CORIN: variants seen among roughly 807,000 people sequenced by gnomAD.
CORIN encodes the protein atrial natriuretic peptide-converting enzyme.
In CORIN, 117 loss-of-function variants were observed where a neutral mutation model predicts 125.3. The observed-to-expected ratio is 0.93, with a 90% CI of 0.80 to 1.09. The LOEUF is 1.09. CORIN is among the 50% of genes least tolerant of loss of function. The probability of loss-of-function intolerance (pLI) is 0.00; values close to 1 mark genes in which losing one functional copy is unlikely to be tolerated. For missense variants in CORIN, 1,253 were observed against 1,306.7 expected (o/e 0.96, Z 0.63); for synonymous variants, 450 against 466.4 (o/e 0.96, Z 0.45).
intron 4 of CORIN, among the ~76,000 whole-genome samples, chr4:47,758,008 G>A (rs1404615482): frequency 6.6e-6 from 1 of 151,218 alleles, no homozygotes; most frequent in Non-Finnish European, 1.5e-5. Flanking sequence ...CCACCTCCCG[G>A]ATTCATGCCA....
intron 2 of CORIN, among the ~76,000 whole-genome samples, chr4:47,804,731 T>A (rs565912251): frequency 1.3e-3 from 18 of 13,442 alleles, no homozygotes; most frequent in South Asian, 6.1e-3. Flanking sequence ...TGGTGGGGGG[T>A]GGGGAGGGGG....
chr4:47,786,759 A>G lies in CORIN; in HGVS notation c.375T>C (p.Ala125=). 6.2e-7 allele frequency: 1 copy of G among 1,614,162 alleles called. No individual in the cohort carries two copies. The highest frequency in any genetic ancestry group is 8.5e-7 in the Non-Finnish European group (1 of 1,180,002). The part of the protein sequence containing the change: ...DQHVPAWTTD[A]SLPGDQSHRN... ...TGTGACTTTGGTCCCCTGGGAGAGA[A>G]GCATCCGTAGTCCAGGCTGGAACGT... Residue 125 remains alanine (A), a synonymous_variant, in exon 3 of 22, where the codon GCT becomes GCC. Transcript: ENST00000273857.
At chr4:47,605,633 G>T (rs760234224) in intron 19 of CORIN, among the ~76,000 whole-genome samples, 1 of 152,104 alleles carries the variant, frequency 6.6e-6, no homozygotes, top group South Asian at 2.1e-4. Context: ...ACTAAAGTAG[G>T]TTGATTTGAC....
chr4:47,724,960 G>A (rs2109803976), intron 5 of CORIN, among the ~76,000 whole-genome samples: 1 of 152,238 alleles, frequency 6.6e-6, no homozygotes, highest in Admixed American at 6.5e-5. Context: ...CCACAGAACT[G>A]GAACCCTAGG....
chr4:47,681,688 C>G (rs1302975603), intron 7 of CORIN: 3 of 152,118 alleles, frequency 2.0e-5, no homozygotes, highest in Non-Finnish European at 4.4e-5. Context: ...GGATATAACC[C>G]ACATCTAAAT....
chr4:47,742,658 T>C (rs1033440062), intron 5 of CORIN, among the ~76,000 whole-genome samples: 9 of 152,152 alleles, frequency 5.9e-5, no homozygotes, highest in Admixed American at 1.3e-4. Flanking sequence ...GACTGACTGT[T>C]GTAAAGAAAT....
chr4:47,715,928 T>C (rs988688110), intron 5 of CORIN, among the ~76,000 whole-genome samples: 7 of 152,140 alleles, frequency 4.6e-5, no homozygotes, highest in African/African-American at 1.4e-4. Flanking sequence ...TAGAGAGGCT[T>C]TGAGAGAGTC....
chr4:47,730,464 C>T (rs559133819), intron 5 of CORIN, among the ~76,000 whole-genome samples: 2 of 135,770 alleles, frequency 1.5e-5, no homozygotes, highest in South Asian at 4.7e-4. Flanking sequence ...CAGAGCGAGA[C>T]TCCATCTCAA....
intron 13 of CORIN, among the ~76,000 whole-genome samples, chr4:47,652,457 GT>G (rs1234053190): frequency 2.0e-5 from 3 of 152,210 alleles, no homozygotes; most frequent in Non-Finnish European, 4.4e-5. Flanking sequence ...TGTCATGAAA[GT>G]GTCAATTCTT....
chr4:47,727,225 T>C (rs1056430552), intron 5 of CORIN, among the ~76,000 whole-genome samples: 5 of 152,192 alleles, frequency 3.3e-5, no homozygotes, highest in Admixed American at 2.0e-4. Context: ...TCTCAAATAA[T>C]TGAATGCCAT....
chr4:47,819,010 GAC>G (rs896056338), intron 1 of CORIN, among the ~76,000 whole-genome samples: 1 of 152,078 alleles, frequency 6.6e-6, no homozygotes, highest in African/African-American at 2.4e-5. Context: ...GTTTCAGCCT[GAC>G]ACAGTTATTA....
chr4:47,699,832 G>C (rs1008704423), intron 5 of CORIN, among the ~76,000 whole-genome samples: 1 of 152,210 alleles, frequency 6.6e-6, no homozygotes, highest in African/African-American at 2.4e-5. Context: ...TTTGCTCTTA[G>C]TAGGACAACA....
chr4:47,666,672 A>G (rs73238624), intron 10 of CORIN, among the ~76,000 whole-genome samples: 2,408 of 152,246 alleles, frequency 0.016, 30 homozygotes, highest in Non-Finnish European at 0.024. Context: ...AAGTCCTTAT[A>G]AGAAGGAGAA....
chr4:47,771,280 G>C (rs1000786789), intron 3 of CORIN, among the ~76,000 whole-genome samples: 2 of 152,060 alleles, frequency 1.3e-5, no homozygotes, highest in African/African-American at 4.8e-5. Flanking sequence ...CTCTATTCTA[G>C]ATAATTCACC....
chr4:47,594,824 G>A lies in CORIN; in HGVS notation c.*897C>T, dbSNP rs1046587631. 2 of 152,116 alleles carry A rather than the reference G, an allele frequency of 1.3e-5. No individual in the cohort carries two copies. The highest frequency in any genetic ancestry group is 4.8e-5 in the African/African-American group (2 of 41,434). The allele number at this position is 152,116 out of a possible 1,614,324, so 9.4% of individuals were successfully genotyped here. On this transcript the variant is annotated 3_prime_UTR_variant, in exon 22 of 22. Coordinates refer to ENST00000273857, the MANE Select transcript of CORIN (RefSeq NM_006587.4). ...AATATTGCCCATAAATATAGATGTA[G>A]TTGTTGCAGTCTCAATCAGCCAACT...
chr4:47,811,898 G>T (rs994481749), intron 1 of CORIN, among the ~76,000 whole-genome samples: 7 of 152,128 alleles, frequency 4.6e-5, no homozygotes, highest in Admixed American at 4.6e-4. Flanking sequence ...GGTACTCAAA[G>T]CCTAAAATCT....
At chr4:47,742,278 A>G (rs926317947) in intron 5 of CORIN, among the ~76,000 whole-genome samples, 3 of 151,978 alleles carry the variant, frequency 2.0e-5, no homozygotes, top group Admixed American at 2.0e-4. Context: ...AAGGTGAAAT[A>G]TTGAAAACCT....
chr4:47,609,343 G>A (rs1176995132), intron 19 of CORIN, among the ~76,000 whole-genome samples: 2 of 152,058 alleles, frequency 1.3e-5, no homozygotes, highest in East Asian at 1.9e-4. Flanking sequence ...AGGTTCAAGC[G>A]ATTCTCCTGC....
chr4:47,631,384 T>C (rs1021951144), intron 16 of CORIN, among the ~76,000 whole-genome samples: 7 of 152,194 alleles, frequency 4.6e-5, no homozygotes, highest in Middle Eastern at 6.8e-3. Context: ...GTCCAATTAG[T>C]GGCCTTAGAT....
Sources: gnomAD v4.1 joint callset for allele counts (sites outside exome capture counted in the v4.1 genomes callset) on GRCh38, gnomAD v4.1.1 for gene constraint, MANE v1.5 for transcripts, NCBI Gene and HGNC (gene_info 2026-07-23, HGNC 2026-07-21) for gene names.